Variants in TCF7L2 observed in about 807,000 individuals in gnomAD.
TCF7L2 encodes the protein transcription factor 7-like 2.
A neutral mutation model predicts 77.9 loss-of-function variants in TCF7L2; 23 were observed. The ratio of observed to expected loss-of-function variants is 0.30; its 90% CI spans 0.21 to 0.42. TCF7L2 has a LOEUF of 0.42. TCF7L2 is among the 10% of genes least tolerant of loss of function. The pLI, the probability that TCF7L2 is intolerant of heterozygous loss-of-function variation, is 1.00. For synonymous variants in TCF7L2, 413 were observed against 340.2 expected, an observed-to-expected ratio of 1.21 and a Z score of -2.36; for missense variants, 654 against 793.1, an observed-to-expected ratio of 0.82 and a Z score of 2.11.
chr10:113,033,788 A>G lies in TCF7L2; in HGVS notation c.451-6237A>G, dbSNP rs763593588. ...AGTATGTTTTTACTTAGAGCAAAGC[A>G]GCCTAGTCTCCTATACCTTCTGCAT... is the stretch of plus-strand genomic sequence containing the variant. On this transcript the variant is annotated intron_variant, in intron 4 of 13. Transcript: ENST00000627217. Among the ~76,000 whole-genome samples, 50 of 152,214 alleles carry G rather than the reference A, an allele frequency of 3.3e-4. 1 individual carries two copies. Among genetic ancestry groups the G allele is most frequent in the Admixed American group, 7.2e-4 (11 of 15,288 alleles).
intron 5 of TCF7L2, among the ~76,000 whole-genome samples, chr10:113,105,630 G>A (rs1052058768): frequency 3.3e-5 from 5 of 152,172 alleles, no homozygotes; most frequent in Non-Finnish European, 4.4e-5. Flanking sequence ...CACCTGTCTA[G>A]TGGGGTTTCC....
At chr10:113,149,140 G>A (rs1391993726) in intron 8 of TCF7L2, among the ~76,000 whole-genome samples, 2 of 152,202 alleles carry the variant, frequency 1.3e-5, no homozygotes, top group African/African-American at 4.8e-5. Context: ...AAGAACACAT[G>A]TTCTTAACTT....
intron 4 of TCF7L2, among the ~76,000 whole-genome samples, chr10:113,016,135 G>T: frequency 6.6e-6 from 1 of 151,754 alleles, no homozygotes; most frequent in East Asian, 1.9e-4. Context: ...TGTGATCTCG[G>T]CTCACTACAA....
intron 5 of TCF7L2, among the ~76,000 whole-genome samples, chr10:113,068,632 T>C (rs967000630): frequency 3.9e-5 from 6 of 152,156 alleles, no homozygotes; most frequent in Non-Finnish European, 7.4e-5. Context: ...CGTGGAGCAC[T>C]GTCCTGGACC....
At chr10:113,089,269 T>C in intron 5 of TCF7L2, 1 of 1,026,826 alleles carries the variant, frequency 9.7e-7, no homozygotes, top group Non-Finnish European at 1.4e-6. Flanking sequence ...GGAACTGTAA[T>C]CCCTCTATCA....
chr10:113,066,087 A>C (rs2057211411), intron 5 of TCF7L2, among the ~76,000 whole-genome samples: 1 of 152,112 alleles, frequency 6.6e-6, no homozygotes, highest in Non-Finnish European at 1.5e-5. Context: ...TTAAGGTTGG[A>C]CGCGGTGGCT....
intron 5 of TCF7L2, among the ~76,000 whole-genome samples, chr10:113,063,499 G>C (rs768064106): frequency 1.1e-4 from 16 of 152,122 alleles, no homozygotes; most frequent in Non-Finnish European, 1.9e-4. Context: ...TCTGGCTGGA[G>C]GGAAGATGAG....
At chr10:113,126,831 A>T (rs932086690) in intron 5 of TCF7L2, 17 of 986,888 alleles carry the variant, frequency 1.7e-5, no homozygotes, top group Non-Finnish European at 1.8e-5. Flanking sequence ...CGCAGGCAGC[A>T]TGCCCGCGAG....
At chr10:113,089,451 C>G (rs762287937) in intron 5 of TCF7L2, 2 of 1,613,860 alleles carry the variant, frequency 1.2e-6, no homozygotes, top group Non-Finnish European at 1.7e-6. Flanking sequence ...CTTCTACCCC[C>G]CCTCAGACTT....
intron 5 of TCF7L2, among the ~76,000 whole-genome samples, chr10:113,138,117 G>T (rs1357206600): frequency 6.6e-6 from 1 of 152,200 alleles, no homozygotes; most frequent in African/African-American, 2.4e-5. Flanking sequence ...CAGAGAGGAA[G>T]TTCTGTTCTT....
intron 5 of TCF7L2, among the ~76,000 whole-genome samples, chr10:113,118,398 G>C (rs2064171024): frequency 6.6e-6 from 1 of 152,148 alleles, no homozygotes; most frequent in African/African-American, 2.4e-5. Flanking sequence ...GACTTATTTA[G>C]TTTTGTAGGG....
At chr10:113,030,828 G>C (rs535417763) in intron 4 of TCF7L2, among the ~76,000 whole-genome samples, 31 of 152,298 alleles carry the variant, frequency 2.0e-4, no homozygotes, top group Admixed American at 2.0e-4. Context: ...GCTGACATTT[G>C]TTTGGAATCC....
At chr10:112,997,898 G>A (rs2043778649) in intron 4 of TCF7L2, among the ~76,000 whole-genome samples, 1 of 152,044 alleles carries the variant, frequency 6.6e-6, no homozygotes, top group South Asian at 2.1e-4. Flanking sequence ...GTAATCCAGT[G>A]ACACCTGACG....
chr10:112,964,693 G>T, intron 4 of TCF7L2, 69 bp downstream of exon 4: 1 of 1,331,736 alleles, frequency 7.5e-7, no homozygotes, highest in Non-Finnish European at 1.1e-6. Flanking sequence ...TTTATTCTCC[G>T]CCCCTTCCCC....
At chr10:113,093,923 C>T (rs1379187300) in intron 5 of TCF7L2, among the ~76,000 whole-genome samples, 1 of 152,212 alleles carries the variant, frequency 6.6e-6, no homozygotes, top group Non-Finnish European at 1.5e-5. Flanking sequence ...TGTCCAAAGC[C>T]TTCCCTGATT....
intron 5 of TCF7L2, among the ~76,000 whole-genome samples, chr10:113,131,101 T>C (rs887117123): frequency 1.3e-5 from 2 of 152,202 alleles, no homozygotes; most frequent in Admixed American, 1.3e-4. Flanking sequence ...TGTAAGAGGA[T>C]TCTCTTGAAT....
At chr10:113,085,225 TA>T (rs1314860529) in intron 5 of TCF7L2, among the ~76,000 whole-genome samples, 3 of 135,422 alleles carry the variant, frequency 2.2e-5, no homozygotes, top group East Asian at 7.3e-4. Context: ...CACATCTGGC[TA>T]TTTTTTTTTT....
intron 5 of TCF7L2, among the ~76,000 whole-genome samples, chr10:113,046,192 C>G (rs147472107): frequency 2.0e-5 from 3 of 152,156 alleles, no homozygotes; most frequent in African/African-American, 4.8e-5. Flanking sequence ...CATGGTGTGG[C>G]AGGTGATACC....
At chr10:113,127,716 G>A (rs1436094548) in intron 5 of TCF7L2, among the ~76,000 whole-genome samples, 1 of 152,166 alleles carries the variant, frequency 6.6e-6, no homozygotes, top group East Asian at 1.9e-4. Flanking sequence ...GCACCCTGGG[G>A]ATGAATTTAG....
Sources: allele counts gnomAD v4.1 joint callset (sites outside exome capture counted in the v4.1 genomes callset), GRCh38; gene constraint gnomAD v4.1.1; transcripts MANE v1.5; gene names NCBI Gene and HGNC (gene_info 2026-07-23, HGNC 2026-07-21).